DLC1: variants seen among roughly 807,000 people sequenced by gnomAD.
DLC1 encodes the protein DLC1 Rho GTPase activating protein.
DLC1 carries 54 observed loss-of-function variants against 140.3 expected under a neutral mutation model. The observed-to-expected ratio is 0.38, with a 90% CI of 0.31 to 0.48. The LOEUF is 0.48. Among genes scored for constraint, DLC1 ranks in the 20% least tolerant of loss-of-function variants. DLC1 has a pLI of 0.96. For synonymous variants in DLC1, 986 were observed against 728.1 expected (o/e 1.35, Z -5.70); for missense variants, 2,536 against 1,907.0 (o/e 1.33, Z -6.14).
intron 5 of DLC1, among the ~76,000 whole-genome samples, chr8:13,129,142 G>T (rs912030861): frequency 5.9e-5 from 9 of 152,180 alleles, no homozygotes; most frequent in African/African-American, 2.2e-4. Flanking sequence ...GAAGCTGAAA[G>T]AAAACACCGC....
chr8:13,328,652 G>GT (rs1833467191), intron 4 of DLC1, among the ~76,000 whole-genome samples: 1 of 152,116 alleles, frequency 6.6e-6, no homozygotes, highest in Admixed American at 6.5e-5. Flanking sequence ...ATCTGAAGCT[G>GT]GGGAGATGAG....
At chr8:13,310,935 A>G (rs1320938089) in intron 4 of DLC1, among the ~76,000 whole-genome samples, 2 of 152,200 alleles carry the variant, frequency 1.3e-5, no homozygotes, top group African/African-American at 4.8e-5. Flanking sequence ...TCCATGTATC[A>G]TCTATAAATT....
chr8:13,462,856 GT>G (rs1466239581), intron 2 of DLC1, among the ~76,000 whole-genome samples: 8 of 152,188 alleles, frequency 5.3e-5, no homozygotes, highest in Non-Finnish European at 8.8e-5. Context: ...TTCCAGCAGT[GT>G]TTAAAAAAGA....
chr8:13,245,876 A>G (rs1829742963), intron 5 of DLC1, among the ~76,000 whole-genome samples: 2 of 151,734 alleles, frequency 1.3e-5, no homozygotes, highest in Admixed American at 1.3e-4. Flanking sequence ...AATTTTTTGT[A>G]TTTTTAGTAG....
chr8:13,452,311 T>G (rs1799103226), intron 2 of DLC1, among the ~76,000 whole-genome samples: 1 of 152,114 alleles, frequency 6.6e-6, no homozygotes, highest in Non-Finnish European at 1.5e-5. Context: ...ATAGCTCCAC[T>G]GACCTCAATA....
chr8:13,528,106 A>G (rs1563421769), intron 1 of DLC1, among the ~76,000 whole-genome samples: 1 of 152,162 alleles, frequency 6.6e-6, no homozygotes, highest in Non-Finnish European at 1.5e-5. Flanking sequence ...TGGAAGTGAC[A>G]TCTTAACCAT....
chr8:13,597,714 A>G (rs1011925889), intron 1 of DLC1, among the ~76,000 whole-genome samples: 5 of 152,120 alleles, frequency 3.3e-5, no homozygotes, highest in Non-Finnish European at 7.4e-5. Context: ...AAATGTGTGT[A>G]TATTTAATGA....
intron 5 of DLC1, among the ~76,000 whole-genome samples, chr8:13,255,309 T>G (rs1231735431): frequency 6.6e-6 from 1 of 152,148 alleles, no homozygotes; most frequent in Non-Finnish European, 1.5e-5. Flanking sequence ...AATTATCAAA[T>G]GGGGATAGTA....
chr8:13,211,586 G>C (rs1016558349), intron 5 of DLC1, among the ~76,000 whole-genome samples: 2 of 152,168 alleles, frequency 1.3e-5, no homozygotes, highest in Non-Finnish European at 2.9e-5. Flanking sequence ...GGGAACTTTT[G>C]AGGTAAATAT....
intron 5 of DLC1, among the ~76,000 whole-genome samples, chr8:13,279,612 C>A (rs192031073): frequency 6.6e-6 from 1 of 152,312 alleles, no homozygotes; most frequent in African/African-American, 2.4e-5. Context: ...TTTGGCCTCT[C>A]ATTTCTGACA....
At position 13,382,380 on chromosome 8, in the gene DLC1, G is replaced by A. The variant is rs1836308340; in HGVS notation, c.1314+11173C>T. ...AAATTAGCCGGGCGAGGTGGCGGGCGCCTGTAGTCCCAGCTACTCGGGAGG... is the reference window on the plus strand; with the variant it reads ...AAATTAGCCGGGCGAGGTGGCGGGCACCTGTAGTCCCAGCTACTCGGGAGG... On this transcript the variant is annotated intron_variant, in intron 4 of 17. Coordinates refer to ENST00000276297, the MANE Select transcript of DLC1 (RefSeq NM_182643.3). Among the ~76,000 whole-genome samples, 3 of 150,684 alleles carry A rather than the reference G, an allele frequency of 2.0e-5. 1 individual carries two copies. Among genetic ancestry groups the A allele is most frequent in the African/African-American group, 7.3e-5 (3 of 41,100 alleles).
intron 4 of DLC1, among the ~76,000 whole-genome samples, chr8:13,347,958 AG>A (rs1465026920): frequency 2.0e-5 from 3 of 152,184 alleles, no homozygotes; most frequent in African/African-American, 7.2e-5. Context: ...GCATGGTGGC[AG>A]GCACCTGTAG....
intron 5 of DLC1, among the ~76,000 whole-genome samples, chr8:13,267,571 T>A (rs1830738878): frequency 6.6e-6 from 1 of 152,158 alleles, no homozygotes; most frequent in South Asian, 2.1e-4. Context: ...ATCAACCAGA[T>A]AAAACAAAGT....
chr8:13,192,151 A>C (rs558228804), intron 5 of DLC1, among the ~76,000 whole-genome samples: 1 of 151,772 alleles, frequency 6.6e-6, no homozygotes, highest in African/African-American at 2.4e-5. Context: ...GGGTTTTACC[A>C]TGTTGGCCAG....
At chr8:13,469,098 C>T (rs951071906) in intron 2 of DLC1, among the ~76,000 whole-genome samples, 6 of 152,216 alleles carry the variant, frequency 3.9e-5, no homozygotes, top group East Asian at 1.9e-4. Flanking sequence ...GGATTACAGG[C>T]GTGAGCCACC....
chr8:13,122,572 A>T (rs1239302784), intron 5 of DLC1, among the ~76,000 whole-genome samples: 1 of 152,202 alleles, frequency 6.6e-6, no homozygotes, highest in African/African-American at 2.4e-5. Flanking sequence ...ACTCTTTGCA[A>T]TTAAAAAACA....
At chr8:13,214,573 T>G (rs77401678) in intron 5 of DLC1, 3 of 662,464 alleles carry the variant, frequency 4.5e-6, no homozygotes, top group Non-Finnish European at 5.5e-6. Context: ...TTTTTTTTTT[T>G]TGTGGCTGCC....
chr8:13,140,206 C>T (rs1822874803), intron 5 of DLC1, among the ~76,000 whole-genome samples: 1 of 152,006 alleles, frequency 6.6e-6, no homozygotes, highest in South Asian at 2.1e-4. Context: ...CTTTCTTTTT[C>T]TTAACAAGTT....
chr8:13,400,831 A>G (rs968731554), intron 3 of DLC1, among the ~76,000 whole-genome samples: 1 of 152,188 alleles, frequency 6.6e-6, no homozygotes, highest in African/African-American at 2.4e-5. Context: ...GATAGTAAAT[A>G]TGTAAAGCAT....
Sources: allele counts gnomAD v4.1 joint callset (sites outside exome capture counted in the v4.1 genomes callset), GRCh38; gene constraint gnomAD v4.1.1; transcripts MANE v1.5; gene names NCBI Gene and HGNC (gene_info 2026-07-23, HGNC 2026-07-21).